NIPA2: variants seen among roughly 807,000 people sequenced by gnomAD.
NIPA2 encodes NIPA magnesium transporter 2.
NIPA2 carries 11 observed loss-of-function variants against 29.7 expected under a neutral mutation model. That is an observed-to-expected ratio of 0.37 (90% CI 0.23 to 0.61). The LOEUF (loss-of-function observed/expected upper bound fraction) is 0.61. NIPA2 is among the 20% of genes least tolerant of loss of function. The pLI, the probability that NIPA2 is intolerant of heterozygous loss-of-function variation, is 0.66. For missense variants in NIPA2, 426 were observed against 437.9 expected (o/e 0.97, Z 0.24); for synonymous variants, 183 against 161.9 (o/e 1.13, Z -0.99).
At chr15:22,852,658 C>T (rs186393902) in intron 4 of NIPA2, among the ~76,000 whole-genome samples, 77 of 152,210 alleles carry the variant, frequency 5.1e-4, no homozygotes, top group Middle Eastern at 3.4e-3. Flanking sequence ...AAATCACTGA[C>T]AAGTCACAAG....
intron 2 of NIPA2, among the ~76,000 whole-genome samples, 161 bp from the exon 3 acceptor site, chr15:22,844,985 G>A (rs1036249177): frequency 2.6e-5 from 4 of 152,102 alleles, no homozygotes; most frequent in Admixed American, 6.6e-5. Context: ...GTCACAGTTC[G>A]GATTACTCCC....
At chr15:22,844,529 G>A (rs570236812) in intron 2 of NIPA2, among the ~76,000 whole-genome samples, 12 of 150,994 alleles carry the variant, frequency 7.9e-5, no homozygotes, top group Admixed American at 1.3e-4. Context: ...ACTCCAGCCC[G>A]GGCGACAGTG....
rs540542900 is a variant in NIPA2, at chr15:22,859,587, C to T, written c.287+957C>T. Among the ~76,000 whole-genome samples, 16 of 152,206 alleles carry T rather than the reference C, an allele frequency of 1.1e-4. 1 individual carries two copies. Among genetic ancestry groups the T allele is most frequent in the African/African-American group, 2.6e-4 (11 of 41,534 alleles). On this transcript the variant is annotated intron_variant, in intron 6 of 7. Transcript: ENST00000337451. ...GATTACAGGCGTGAGCCACTGTGCC[C>T]GGCCAATGAGTAGATTTGCATGCCT...
intron 5 of NIPA2, among the ~76,000 whole-genome samples, chr15:22,855,197 G>A (rs2058087672): frequency 6.6e-6 from 1 of 152,048 alleles, no homozygotes; most frequent in African/African-American, 2.4e-5. Context: ...TGGATCACCT[G>A]AGGTCAGGAG....
chr15:22,838,722 T>C lies in NIPA2; in HGVS notation c.-551T>C, dbSNP rs1003288646. The C allele has an allele frequency of 6.6e-6, 1 of 152,568 alleles. No individual in the cohort carries two copies. The highest frequency in any genetic ancestry group is 2.4e-5 in the African/African-American group (1 of 41,474). The allele number at this position is 152,568 out of a possible 1,614,324, so 9.5% of individuals were successfully genotyped here. On this transcript the variant is annotated 5_prime_UTR_variant, in exon 1 of 8. Transcript: ENST00000337451. ...TGACGGCGGTGCCGGAGGTTGTCCTTGGCAGGTTTTCCTCGGCGCTTCTCC... is the reference window on the plus strand; with the variant it reads ...TGACGGCGGTGCCGGAGGTTGTCCTCGGCAGGTTTTCCTCGGCGCTTCTCC...
At chr15:22,852,232 T>C (rs948086521) in intron 4 of NIPA2, among the ~76,000 whole-genome samples, 13 of 152,060 alleles carry the variant, frequency 8.5e-5, no homozygotes, top group African/African-American at 3.1e-4. Context: ...TTTGGGAGGC[T>C]GAGGCGGGTG....
intron 1 of NIPA2, among the ~76,000 whole-genome samples, 169 bp from the exon 2 acceptor site, chr15:22,839,486 C>T (rs1293838221): frequency 6.6e-6 from 1 of 152,100 alleles, no homozygotes; most frequent in South Asian, 2.1e-4. Flanking sequence ...ATATCAGAGT[C>T]GAGAGTTTCC....
chr15:22,852,752 G>A (rs1042952994), intron 4 of NIPA2, among the ~76,000 whole-genome samples: 4 of 152,156 alleles, frequency 2.6e-5, no homozygotes, highest in African/African-American at 9.7e-5. Context: ...GTTAAGTGGC[G>A]TTATGGTCAC....
intron 2 of NIPA2, among the ~76,000 whole-genome samples, chr15:22,842,535 A>G (rs1035472786): frequency 9.2e-5 from 14 of 151,910 alleles, no homozygotes; most frequent in Admixed American, 3.9e-4. Flanking sequence ...TAAAAAAAAA[A>G]CCCAAAATAT....
At chr15:22,863,615 C>T in intron 7 of NIPA2, among the ~76,000 whole-genome samples, 1 of 152,354 alleles carries the variant, frequency 6.6e-6, no homozygotes. Flanking sequence ...GGGAAATGCA[C>T]ACAGAAATTT....
chr15:22,854,943 C>T (rs2058072014), intron 5 of NIPA2, among the ~76,000 whole-genome samples: 1 of 152,006 alleles, frequency 6.6e-6, no homozygotes, highest in South Asian at 2.1e-4. Flanking sequence ...AAAATTTCTG[C>T]TCAATTTAAG....
chr15:22,865,293 T>TGACTAACATGGTGAAACCCC (rs1160309769), intron 7 of NIPA2, among the ~76,000 whole-genome samples: 31 of 152,080 alleles, frequency 2.0e-4, no homozygotes, highest in Admixed American at 7.8e-4. Flanking sequence ...GAGACCATCC[T>TGACTAACATGGTGAAACCCC]GACTAACATG....
intron 5 of NIPA2, 33 bp downstream of exon 5, chr15:22,853,301 A>T (rs771794223): frequency 6.7e-6 from 9 of 1,347,632 alleles, no homozygotes; most frequent in African/African-American, 1.4e-5. Flanking sequence ...GAAAAATATG[A>T]TAGCTATATA....
chr15:22,842,829 CA>C (rs35030098), intron 2 of NIPA2, among the ~76,000 whole-genome samples: 30,607 of 150,952 alleles, frequency 0.2, 3,377 homozygotes, highest in Admixed American at 0.31. Context: ...ACTCTGCATC[CA>C]AAAAAATTAA....
intron 5 of NIPA2, among the ~76,000 whole-genome samples, chr15:22,853,748 A>G (rs1231516700): frequency 1.3e-5 from 2 of 152,142 alleles, no homozygotes; most frequent in African/African-American, 4.8e-5. Context: ...AAGGCATGCA[A>G]TTCATAATAA....
chr15:22,843,534 T>A lies in NIPA2; in HGVS notation c.-215-1612T>A, dbSNP rs180854079. Reference sequence around the variant, plus strand: ...AAAAAAAAAAAATCTCTGGACCTGGTTCCTCATTGTGGGCCCTTACCACAT... The same window carrying A: ...AAAAAAAAAAAATCTCTGGACCTGGATCCTCATTGTGGGCCCTTACCACAT... On this transcript the variant is annotated intron_variant, in intron 2 of 7. Transcript: ENST00000337451. Among the ~76,000 whole-genome samples, 6 of 151,904 alleles carry A rather than the reference T, an allele frequency of 3.9e-5. No homozygotes were observed. In the East Asian group the frequency reaches 1.2e-3, roughly 29 times the overall value.
chr15:22,843,003 A>C (rs78090599), intron 2 of NIPA2, among the ~76,000 whole-genome samples: 1 of 131,648 alleles, frequency 7.6e-6, no homozygotes. Flanking sequence ...ACTCTGTCTC[A>C]AAAAAAAAAA....
In NIPA2 at chr15:22,840,448, C is replaced by T. The variant is rs367957958; in HGVS notation, c.-216+658C>T. Among the ~76,000 whole-genome samples, 8 of 152,098 alleles carry T rather than the reference C, an allele frequency of 5.3e-5. No individual in the cohort carries two copies. In the East Asian group the frequency reaches 9.7e-4, roughly 18 times the overall value. On this transcript the variant is annotated intron_variant, in intron 2 of 7. Transcript: ENST00000337451. ...GAGTAGCTGGGGTTACAGGCGCCGG[C>T]GACCACGCCCAGCTAATTTTTGTAT...
intron 3 of NIPA2, among the ~76,000 whole-genome samples, chr15:22,847,830 T>G (rs1186760131): frequency 6.6e-6 from 1 of 151,864 alleles, no homozygotes; most frequent in East Asian, 1.9e-4. Flanking sequence ...AGAGTTTCTA[T>G]CTTGTTGCCC....
Sources: gnomAD v4.1 joint callset for allele counts (sites outside exome capture counted in the v4.1 genomes callset) on GRCh38, gnomAD v4.1.1 for gene constraint, MANE v1.5 for transcripts, NCBI Gene and HGNC (gene_info 2026-07-23, HGNC 2026-07-21) for gene names.